SLC24A2: variants seen among roughly 807,000 people sequenced by gnomAD.
SLC24A2 encodes the protein sodium/potassium/calcium exchanger 2.
A neutral mutation model predicts 62.0 loss-of-function variants in SLC24A2; 36 were observed. That is an observed-to-expected ratio of 0.58 (90% CI 0.44 to 0.77). The LOEUF (loss-of-function observed/expected upper bound fraction) is 0.77, where lower values mean the gene tolerates loss of function less well. SLC24A2 is among the 30% of genes least tolerant of loss of function. The pLI is 0.00. For missense variants in SLC24A2, 846 were observed against 817.9 expected (o/e 1.03, Z -0.42); for synonymous variants, 358 against 294.0 (o/e 1.22, Z -2.23).
the SLC24A2 span, among the ~76,000 whole-genome samples, chr9:19,839,218 G>T: frequency 6.6e-6 from 1 of 152,248 alleles, no homozygotes; most frequent in South Asian, 2.1e-4. Flanking sequence ...TTAGAATGGC[G>T]ATCATTAAAA....
the SLC24A2 span, among the ~76,000 whole-genome samples, chr9:20,115,233 C>T: frequency 6.6e-6 from 1 of 152,082 alleles, no homozygotes; most frequent in South Asian, 2.1e-4. Context: ...GGTAATGTCC[C>T]TCAGGAGAAT....
the SLC24A2 span, among the ~76,000 whole-genome samples, chr9:19,883,167 T>C: frequency 1.3e-5 from 2 of 152,358 alleles, no homozygotes; most frequent in Non-Finnish European, 2.9e-5. Context: ...TGCTAGAACA[T>C]TAATTAGGAA....
At chr9:19,702,571 G>A (rs866158329) in intron 2 of SLC24A2, among the ~76,000 whole-genome samples, 1 of 152,096 alleles carries the variant, frequency 6.6e-6, no homozygotes, top group African/African-American at 2.4e-5. Context: ...TCCCAGAACT[G>A]GTCTTTCAGT....
the SLC24A2 span, among the ~76,000 whole-genome samples, chr9:20,187,200 C>T: frequency 1.3e-5 from 2 of 152,282 alleles, no homozygotes; most frequent in East Asian, 1.9e-4. Context: ...TATAATGGAA[C>T]AGATCTTGGC....
intron 2 of SLC24A2, among the ~76,000 whole-genome samples, chr9:19,640,791 T>C (rs921963704): frequency 3.9e-5 from 6 of 152,240 alleles, no homozygotes; most frequent in Non-Finnish European, 7.3e-5. Context: ...AGCTGTAGTT[T>C]GCTAATTTGT....
At chr9:19,644,888 G>T (rs995030719) in intron 2 of SLC24A2, among the ~76,000 whole-genome samples, 2 of 151,942 alleles carry the variant, frequency 1.3e-5, no homozygotes, top group African/African-American at 2.4e-5. Context: ...CTCATTCTGT[G>T]ATTTCTGAAA....
the SLC24A2 span, among the ~76,000 whole-genome samples, chr9:19,898,003 T>A: frequency 3.5e-4 from 53 of 152,312 alleles, 1 homozygote; most frequent in Non-Finnish European, 1.5e-5. Context: ...TTGGAAATCA[T>A]GACTACAGCA....
intron 4 of SLC24A2, among the ~76,000 whole-genome samples, chr9:19,603,426 A>C (rs147150997): frequency 6.6e-6 from 1 of 152,062 alleles, no homozygotes; most frequent in Non-Finnish European, 1.5e-5. Flanking sequence ...CTGTGTACAG[A>C]TAGGCCTGTT....
the SLC24A2 span, among the ~76,000 whole-genome samples, chr9:20,140,728 G>T: frequency 6.6e-6 from 1 of 152,030 alleles, no homozygotes; most frequent in East Asian, 1.9e-4. Flanking sequence ...GGCTCTTGAT[G>T]TTATCCACCC....
At chr9:19,897,186 G>A in the SLC24A2 span, among the ~76,000 whole-genome samples, 1 of 152,166 alleles carries the variant, frequency 6.6e-6, no homozygotes, top group Non-Finnish European at 1.5e-5. Flanking sequence ...GTGCCTTTCC[G>A]TGTGAGTACA....
the SLC24A2 span, among the ~76,000 whole-genome samples, chr9:20,177,515 G>C: frequency 1.7e-3 from 254 of 152,200 alleles, 1 homozygote; most frequent in African/African-American, 5.6e-3. Context: ...TTAGGTAGAG[G>C]TGTTGACCCC....
the SLC24A2 span, among the ~76,000 whole-genome samples, chr9:20,207,770 C>T: frequency 6.6e-6 from 1 of 152,162 alleles, no homozygotes; most frequent in Non-Finnish European, 1.5e-5. Flanking sequence ...ATGTGTTAGC[C>T]ACTACAATGG....
chr9:19,532,038 T>A (rs149807254), intron 8 of SLC24A2, among the ~76,000 whole-genome samples: 1 of 152,238 alleles, frequency 6.6e-6, no homozygotes, highest in East Asian at 1.9e-4. Context: ...TATGAAATGG[T>A]GGAGTATTTA....
chr9:19,808,860 A>G, the SLC24A2 span, among the ~76,000 whole-genome samples: 1 of 152,188 alleles, frequency 6.6e-6, no homozygotes, highest in Non-Finnish European at 1.5e-5. The surrounding 1 kb of genome is among the most constrained non-coding windows in gnomAD (Gnocchi z 4.1). Flanking sequence ...GATGTGTTAC[A>G]TCCGCAGGCT....
the SLC24A2 span, among the ~76,000 whole-genome samples, chr9:20,113,185 T>C: frequency 1.3e-5 from 2 of 152,184 alleles, no homozygotes; most frequent in South Asian, 4.1e-4. Context: ...AAGAAATCAC[T>C]CCAGGTCTTT....
chr9:19,554,970 G>A (rs1050256809), intron 7 of SLC24A2, among the ~76,000 whole-genome samples: 1 of 152,154 alleles, frequency 6.6e-6, no homozygotes, highest in African/African-American at 2.4e-5. Flanking sequence ...AATTACATAG[G>A]AAGCAGGAAT....
At chr9:19,941,312 T>G in the SLC24A2 span, among the ~76,000 whole-genome samples, 1 of 152,214 alleles carries the variant, frequency 6.6e-6, no homozygotes, top group African/African-American at 2.4e-5. Context: ...CCTTCTTCTC[T>G]GATTTTCCAA....
the SLC24A2 span, among the ~76,000 whole-genome samples, chr9:19,935,180 C>T: frequency 6.6e-6 from 1 of 151,488 alleles, no homozygotes; most frequent in South Asian, 2.1e-4. Context: ...AAAATAGATC[C>T]CCCAGCTTCC....
chr9:19,685,048 G>A (rs1023460472), intron 2 of SLC24A2, among the ~76,000 whole-genome samples: 2 of 152,036 alleles, frequency 1.3e-5, no homozygotes, highest in Non-Finnish European at 2.9e-5. Context: ...TTCTGTATAA[G>A]TACTGCATGC....
Sources: allele counts gnomAD v4.1 joint callset (sites outside exome capture counted in the v4.1 genomes callset), GRCh38; gene constraint gnomAD v4.1.1; non-coding constraint Gnocchi (gnomAD v3.1); transcripts MANE v1.5; gene names NCBI Gene and HGNC (gene_info 2026-07-23, HGNC 2026-07-21).